Variants in PRMT8 observed in about 807,000 individuals in gnomAD.
PRMT8 encodes protein arginine N-methyltransferase 8.
A neutral mutation model predicts 47.1 loss-of-function variants in PRMT8; 7 were observed. That is an observed-to-expected ratio of 0.15 (90% CI 0.08 to 0.28). The LOEUF is 0.28. Among genes scored for constraint, PRMT8 ranks in the 10% least tolerant of loss-of-function variants. PRMT8 has a pLI of 1.00. For missense variants in PRMT8, 237 were observed against 505.4 expected, an observed-to-expected ratio of 0.47 and a Z score of 5.09; for synonymous variants, 188 against 186.5, an observed-to-expected ratio of 1.01 and a Z score of -0.07.
chr12:3,396,636 GC>G (rs1447024636), intron 1 of PRMT8, among the ~76,000 whole-genome samples: 8 of 152,098 alleles, frequency 5.3e-5, no homozygotes, highest in African/African-American at 1.9e-4. Flanking sequence ...CTCTCTGGCT[GC>G]CCTTAACATT....
At chr12:3,444,201 T>C (rs1423740111) in intron 1 of PRMT8, among the ~76,000 whole-genome samples, 1 of 152,200 alleles carries the variant, frequency 6.6e-6, no homozygotes, top group African/African-American at 2.4e-5. Context: ...GTGGAGCTTT[T>C]TCCAGCGGTT....
chr12:3,482,237 TA>T (rs1329783590), intron 1 of PRMT8, among the ~76,000 whole-genome samples: 1 of 152,180 alleles, frequency 6.6e-6, no homozygotes, highest in Non-Finnish European at 1.5e-5. Flanking sequence ...AGATTGGTTT[TA>T]AAAAAGAAGG....
chr12:3,442,603 C>T (rs7980337), intron 1 of PRMT8, among the ~76,000 whole-genome samples: 7,399 of 152,230 alleles, frequency 0.049, 541 homozygotes, highest in African/African-American at 0.16. Context: ...GGGTATGAGG[C>T]TAGGGAGCCC....
At chr12:3,478,656 AT>A (rs1865242389) in intron 1 of PRMT8, among the ~76,000 whole-genome samples, 1 of 152,220 alleles carries the variant, frequency 6.6e-6, no homozygotes, top group Non-Finnish European at 1.5e-5. Context: ...TTTTCCTAAT[AT>A]TTCAGAAGGG....
chr12:3,556,731 C>T (rs1407220109), intron 4 of PRMT8, among the ~76,000 whole-genome samples: 2 of 152,038 alleles, frequency 1.3e-5, no homozygotes, highest in Non-Finnish European at 1.5e-5. Flanking sequence ...AGTAGAGGGA[C>T]AGAGAAAGAT....
intron 1 of PRMT8, among the ~76,000 whole-genome samples, chr12:3,519,872 G>A (rs1030402202): frequency 6.6e-6 from 1 of 152,202 alleles, no homozygotes; most frequent in Non-Finnish European, 1.5e-5. Flanking sequence ...TGCCAGCCCT[G>A]TGTTGCCAAA....
rs1038406289 is a variant in PRMT8, at chr12:3,583,062, T to C, written c.833T>C (p.Val278Ala). The C allele has an allele frequency of 6.2e-7, 1 of 1,612,198 alleles. No homozygotes were observed. The highest frequency in any genetic ancestry group is 1.3e-5 in the African/African-American group (1 of 74,764). The part of the protein sequence containing the change: ...VVTNACLIKE[V>A]DIYTVKTEEL... Reference sequence around the variant, plus strand: ...TCTCTCTTCTCTGGGCTGCAGGAGGTGGACATTTACACAGTGAAGACGGAA... The same window carrying C: ...TCTCTCTTCTCTGGGCTGCAGGAGGCGGACATTTACACAGTGAAGACGGAA... Residue 278 changes from valine (V) to alanine (A), a missense_variant, in exon 8 of 10, where the codon GTG becomes GCG. By Grantham distance (64) the Val-to-Ala change is moderately conservative. Coordinates refer to ENST00000382622, the MANE Select transcript of PRMT8 (RefSeq NM_019854.5). The surrounding 1 kb of genome is among the most constrained non-coding windows in gnomAD (Gnocchi z 4.7).
chr12:3,468,359 G>A (rs1186211003), intron 1 of PRMT8, among the ~76,000 whole-genome samples: 3 of 152,326 alleles, frequency 2.0e-5, no homozygotes, highest in Non-Finnish European at 4.4e-5. Context: ...TCTGCGATGT[G>A]CACAGAGACC....
chr12:3,563,665 A>T (rs1425252411), intron 4 of PRMT8, among the ~76,000 whole-genome samples: 1 of 152,016 alleles, frequency 6.6e-6, no homozygotes, highest in African/African-American at 2.4e-5. Context: ...TCAGATATAC[A>T]CCCATTTGCC....
At chr12:3,429,590 C>G (rs1864651510) in intron 1 of PRMT8, among the ~76,000 whole-genome samples, 1 of 152,202 alleles carries the variant, frequency 6.6e-6, no homozygotes, top group Non-Finnish European at 1.5e-5. Flanking sequence ...ACCAAAGTAT[C>G]AAGCAATCCA....
intron 1 of PRMT8, among the ~76,000 whole-genome samples, chr12:3,527,509 G>A (rs1479404903): frequency 6.6e-6 from 1 of 152,094 alleles, no homozygotes; most frequent in Non-Finnish European, 1.5e-5. Context: ...GACAATGGTT[G>A]ATATCTGGTA....
chr12:3,524,183 G>A (rs986060869), intron 1 of PRMT8, among the ~76,000 whole-genome samples: 1 of 152,048 alleles, frequency 6.6e-6, no homozygotes, highest in African/African-American at 2.4e-5. Context: ...AACATTTATG[G>A]TAACTCAATA....
intron 7 of PRMT8, among the ~76,000 whole-genome samples, chr12:3,578,920 G>A (rs1302523966): frequency 6.6e-6 from 1 of 152,172 alleles, no homozygotes; most frequent in Non-Finnish European, 1.5e-5. Context: ...TGAGAGGTTT[G>A]GCTTTGAGTC....
In PRMT8 at chr12:3,553,712, A is replaced by T. The variant is rs746680387; in HGVS notation, c.479A>T (p.Asn160Ile). Residue 160 changes from asparagine to isoleucine, a missense_variant and splice_region_variant, in exon 4 of 10, where the codon AAC (asparagine) becomes ATC (isoleucine). Transcript: ENST00000382622. ...ATCATTAAGGCCAACCACTTGGACA[A>T]CAGTAAGACATACCTCTGAGTGTTT... ...EKIIKANHLD[N>I]IITIFKGKVE... The T allele has an allele frequency of 4.4e-6, 7 of 1,584,680 alleles. No homozygotes were observed. The highest frequency in any genetic ancestry group is 6.1e-6 in the Non-Finnish European group (7 of 1,153,328).
In PRMT8 at chr12:3,574,528, C is replaced by G. The variant is rs138982248; in HGVS notation, c.713-2343C>G. 3.3e-5 allele frequency among the ~76,000 whole-genome samples: 5 copies of G among 152,388 alleles called. No individual in the cohort carries two copies. In the East Asian group the frequency reaches 7.7e-4, roughly 23 times the overall value. On this transcript the variant is annotated intron_variant, in intron 6 of 9. Coordinates refer to ENST00000382622, the MANE Select transcript of PRMT8 (RefSeq NM_019854.5). ...AAGGATTGATTTGCACATGGCCGCACAGCTTGCATGGCAGCAAAGCCAGAG... is the reference window on the plus strand; with the variant it reads ...AAGGATTGATTTGCACATGGCCGCAGAGCTTGCATGGCAGCAAAGCCAGAG...
intron 1 of PRMT8, among the ~76,000 whole-genome samples, chr12:3,431,929 A>G (rs1747470414): frequency 6.6e-6 from 1 of 152,212 alleles, no homozygotes; most frequent in Non-Finnish European, 1.5e-5. Flanking sequence ...GGGGTAGAGA[A>G]TGCTTTCGGC....
chr12:3,593,104 C>A lies in PRMT8; in HGVS notation c.1107C>A (p.Asp369Glu). The A allele has an allele frequency of 6.2e-7, 1 of 1,614,042 alleles. No homozygotes were observed. Among genetic ancestry groups the A allele is most frequent in the Non-Finnish European group, 8.5e-7 (1 of 1,179,950 alleles). ...SMKPNAKNVR[D>E]LDFTVDLDFK... ...GCTCTCTCTCTGCCTTGCAGCGAGA[C>A]CTCGATTTCACAGTAGACTTGGATT... The change falls in exon 10 of 10, where the codon GAC (aspartate) becomes GAA (glutamate). Residue 369 changes from aspartate (D) to glutamate (E), a missense_variant. Physicochemically the swap from Asp to Glu is conservative, Grantham distance 45. Transcript: ENST00000382622. The surrounding 1 kb of genome is among the most constrained non-coding windows in gnomAD (Gnocchi z 4.8).
intron 4 of PRMT8, among the ~76,000 whole-genome samples, chr12:3,563,039 A>T (rs951832530): frequency 6.6e-6 from 1 of 151,860 alleles, no homozygotes; most frequent in Non-Finnish European, 1.5e-5. Context: ...AGCCCACATG[A>T]TCATCTGCTT....
intron 1 of PRMT8, among the ~76,000 whole-genome samples, chr12:3,498,207 A>G (rs759729894): frequency 2.4e-4 from 36 of 152,236 alleles, no homozygotes; most frequent in Non-Finnish European, 4.3e-4. Flanking sequence ...AAGCACAGAG[A>G]GTTACTGTTA....
Sources: gnomAD v4.1 joint callset for allele counts (sites outside exome capture counted in the v4.1 genomes callset) on GRCh38, gnomAD v4.1.1 for gene constraint, Gnocchi (gnomAD v3.1) non-coding constraint, MANE v1.5 for transcripts, NCBI Gene and HGNC (gene_info 2026-07-23, HGNC 2026-07-21) for gene names.